THSD7A: variants seen among roughly 807,000 people sequenced by gnomAD.
THSD7A encodes thrombospondin type 1 domain containing 7A.
In THSD7A, 96 loss-of-function variants were observed where a neutral mutation model predicts 231.3. The ratio of observed to expected loss-of-function variants is 0.41; its 90% CI spans 0.35 to 0.49. The LOEUF (loss-of-function observed/expected upper bound fraction) is 0.49, where lower values mean the gene tolerates loss of function less well. THSD7A is among the 20% of genes least tolerant of loss of function. The pLI is 0.05. For missense variants in THSD7A, 2,290 were observed against 2,070.2 expected (o/e 1.11, Z -2.06); for synonymous variants, 940 against 743.3 (o/e 1.26, Z -4.30).
intron 4 of THSD7A, among the ~76,000 whole-genome samples, chr7:11,565,105 T>A (rs1204803793): frequency 6.6e-6 from 1 of 152,152 alleles, no homozygotes; most frequent in Admixed American, 6.5e-5. Flanking sequence ...ACTGAACTCT[T>A]CCAGCATACC....
At chr7:11,675,657 C>T (rs2128137102) in intron 1 of THSD7A, among the ~76,000 whole-genome samples, 1 of 152,306 alleles carries the variant, frequency 6.6e-6, no homozygotes, top group South Asian at 2.1e-4. Flanking sequence ...AGGAAGTTCA[C>T]ACTGGGCAGA....
intron 1 of THSD7A, among the ~76,000 whole-genome samples, chr7:11,778,156 C>CAAAAAAAAA (rs57740181): frequency 2.2e-4 from 10 of 45,022 alleles, no homozygotes; most frequent in East Asian, 1.3e-3. Flanking sequence ...GACTCCGTCT[C>CAAAAAAAAA]AAAAAAAAAA....
At chr7:11,821,376 T>G in intron 1 of THSD7A, 1 of 501,424 alleles carries the variant, frequency 2.0e-6, no homozygotes, top group South Asian at 2.5e-5. Flanking sequence ...TTATCTCTTC[T>G]CCCTTGCCCT....
At position 11,738,007 on chromosome 7, in the gene THSD7A, G is replaced by A. The variant is rs138669544; in HGVS notation, c.190+93750C>T. Among the ~76,000 whole-genome samples the A allele has an allele frequency of 1.6e-3, 246 of 151,232 alleles. 1 individual carries two copies. Among genetic ancestry groups the A allele is most frequent in the Admixed American group, 6.9e-3 (105 of 15,166 alleles). On this transcript the variant is annotated intron_variant, in intron 1 of 27. Transcript: ENST00000423059. ...ATTCTAGATGCTTACATCACTTAATGTATTTCATTTATGGTATTTATATAT... is the reference window on the plus strand; with the variant it reads ...ATTCTAGATGCTTACATCACTTAATATATTTCATTTATGGTATTTATATAT...
In THSD7A at chr7:11,660,829, T is replaced by A. The variant is rs868622245; in HGVS notation, c.191-23868A>T. Among the ~76,000 whole-genome samples the A allele has an allele frequency of 2.6e-5, 4 of 151,620 alleles. No individual in the cohort carries two copies. The South Asian group carries it at 8.3e-4, about 31-fold the overall frequency. ...CTTCTAACTGTGGCATACTAGCTTG[T>A]ATGAGACCAAACGTCCCAAGGAGAA... is the stretch of plus-strand genomic sequence containing the variant. On this transcript the variant is annotated intron_variant, in intron 1 of 27. Transcript: ENST00000423059.
intron 1 of THSD7A, among the ~76,000 whole-genome samples, chr7:11,790,526 A>G (rs1178044143): frequency 1.3e-5 from 2 of 152,028 alleles, no homozygotes; most frequent in Non-Finnish European, 2.9e-5. Flanking sequence ...AATGAGAGAT[A>G]AAAGTGCATT....
chr7:11,808,875 T>TA (rs1199911984), intron 1 of THSD7A, among the ~76,000 whole-genome samples: 3 of 151,988 alleles, frequency 2.0e-5, no homozygotes, highest in Non-Finnish European at 4.4e-5. Flanking sequence ...AATTTCATAA[T>TA]AAAAAAGGTA....
At chr7:11,376,512 G>T in intron 27 of THSD7A, 58 bp downstream of exon 27, 1 of 1,280,940 alleles carries the variant, frequency 7.8e-7, no homozygotes, top group Non-Finnish European at 1.1e-6. Flanking sequence ...ACATTAGTTT[G>T]CTGTTTCTGT....
At chr7:11,546,202 GCTCACACACACACA>G (rs1789386328) in intron 4 of THSD7A, among the ~76,000 whole-genome samples, 1 of 129,374 alleles carries the variant, frequency 7.7e-6, no homozygotes, top group African/African-American at 2.9e-5. Context: ...GTGGGCGCGC[GCTCACACACACACA>G]CACACACACA....
intron 4 of THSD7A, among the ~76,000 whole-genome samples, chr7:11,567,821 C>T (rs1026116221): frequency 1.8e-4 from 27 of 152,322 alleles, no homozygotes; most frequent in African/African-American, 6.0e-4. Context: ...CACTCCACGT[C>T]TCCCAGTCTC....
At chr7:11,569,900 C>T (rs1490731091) in intron 4 of THSD7A, among the ~76,000 whole-genome samples, 1 of 152,122 alleles carries the variant, frequency 6.6e-6, no homozygotes, top group Admixed American at 6.5e-5. Flanking sequence ...AGGCTGGGCA[C>T]AGTGACTCAC....
intron 1 of THSD7A, among the ~76,000 whole-genome samples, chr7:11,724,222 T>C (rs1333746531): frequency 3.3e-5 from 5 of 151,942 alleles, no homozygotes; most frequent in African/African-American, 4.8e-5. Context: ...TAATGAGATG[T>C]GACATGAGTC....
chr7:11,604,562 AATGAG>A (rs1157611572), intron 2 of THSD7A, among the ~76,000 whole-genome samples: 22 of 152,106 alleles, frequency 1.4e-4, no homozygotes, highest in Non-Finnish European at 2.9e-4. Context: ...TCCCAGATTT[AATGAG>A]ATATGATTTA....
At chr7:11,426,022 A>G (rs1197636782) in intron 15 of THSD7A, among the ~76,000 whole-genome samples, 3 of 151,894 alleles carry the variant, frequency 2.0e-5, no homozygotes, top group African/African-American at 7.3e-5. Flanking sequence ...ACTAACCTGC[A>G]CAATGTGCAC....
At chr7:11,420,393 A>G (rs556555015) in intron 16 of THSD7A, among the ~76,000 whole-genome samples, 31 of 152,372 alleles carry the variant, frequency 2.0e-4, no homozygotes, top group Non-Finnish European at 3.7e-4. Context: ...GCCAAGGTAC[A>G]GCTCAGGCTA....
At chr7:11,621,323 A>G (rs1781303403) in intron 2 of THSD7A, among the ~76,000 whole-genome samples, 1 of 152,146 alleles carries the variant, frequency 6.6e-6, no homozygotes, top group African/African-American at 2.4e-5. Flanking sequence ...CAGTCACGAC[A>G]TATCATCAGT....
chr7:11,508,017 T>C (rs1372064100), intron 6 of THSD7A, among the ~76,000 whole-genome samples: 3 of 152,160 alleles, frequency 2.0e-5, no homozygotes, highest in Admixed American at 2.0e-4. Flanking sequence ...AAGGCATGTG[T>C]TACATGGTGG....
chr7:11,754,960 A>T (rs963177329), intron 1 of THSD7A, among the ~76,000 whole-genome samples: 3 of 152,006 alleles, frequency 2.0e-5, no homozygotes, highest in Admixed American at 6.6e-5. Context: ...AGTAAAAAAA[A>T]GTTTATTCCT....
chr7:11,777,195 G>C (rs1275806846), intron 1 of THSD7A, among the ~76,000 whole-genome samples: 2 of 151,990 alleles, frequency 1.3e-5, no homozygotes, highest in Non-Finnish European at 2.9e-5. Flanking sequence ...ACTCATATTT[G>C]TCTCCACCGG....
Sources: gnomAD v4.1 joint callset for allele counts (sites outside exome capture counted in the v4.1 genomes callset) on GRCh38, gnomAD v4.1.1 for gene constraint, MANE v1.5 for transcripts, NCBI Gene and HGNC (gene_info 2026-07-23, HGNC 2026-07-21) for gene names.